BRPF3: variants seen among roughly 807,000 people sequenced by gnomAD.
BRPF3 encodes bromodomain and PHD finger containing 3, also known as bromodomain and PHD finger-containing protein 3.
A neutral mutation model predicts 102.0 loss-of-function variants in BRPF3; 18 were observed. The observed-to-expected ratio is 0.18, with a 90% CI of 0.12 to 0.26. BRPF3 has a LOEUF of 0.26. BRPF3 is among the 10% of genes least tolerant of loss of function. The probability of loss-of-function intolerance (pLI) is 1.00; values close to 1 mark genes in which losing one functional copy is unlikely to be tolerated. For missense variants in BRPF3, 1,147 were observed against 1,567.8 expected (o/e 0.73, Z 4.53); for synonymous variants, 570 against 614.2 (o/e 0.93, Z 1.06).
At chr6:36,218,947 C>T (rs966227120) in intron 9 of BRPF3, among the ~76,000 whole-genome samples, 3 of 152,140 alleles carry the variant, frequency 2.0e-5, no homozygotes, top group African/African-American at 2.4e-5. Flanking sequence ...GACACCAGGG[C>T]GGGGAGGACT....
intron 2 of BRPF3, 127 bp from the exon 3 acceptor site, chr6:36,204,531 A>C: frequency 3.8e-6 from 4 of 1,041,302 alleles, no homozygotes; most frequent in Non-Finnish European, 6.0e-6. Flanking sequence ...GAGGTGAGGT[A>C]TTTGGCCATT....
Position 36,219,258 on chromosome 6 carries a change from C to G in BRPF3, c.3083+1248C>G, listed in dbSNP as rs75428776. 6.3e-3 allele frequency among the ~76,000 whole-genome samples: 958 copies of G among 152,248 alleles called. 14 individuals are homozygous for G. Among genetic ancestry groups the G allele is most frequent in the East Asian group, 0.041 (212 of 5,182 alleles). On this transcript the variant is annotated intron_variant, in intron 9 of 12. Coordinates refer to ENST00000357641, the MANE Select transcript of BRPF3 (RefSeq NM_015695.3). ...TGGTTTCTCTGAGATTCCCCTACCC[C>G]CCGCCAACCCTCAGAGTTGCCCTAG...
intron 11 of BRPF3, among the ~76,000 whole-genome samples, chr6:36,226,527 GC>G (rs1244719898): frequency 6.6e-6 from 1 of 152,094 alleles, no homozygotes; most frequent in African/African-American, 2.4e-5. Flanking sequence ...ACTCTCTGAG[GC>G]CAGACTGAGG....
At chr6:36,218,289 TTG>T (rs1471895230) in intron 9 of BRPF3, among the ~76,000 whole-genome samples, 14 of 152,076 alleles carry the variant, frequency 9.2e-5, no homozygotes, top group African/African-American at 3.4e-4. Context: ...AAATCTCCTG[TTG>T]TTCAGTGAAA....
At chr6:36,205,503 G>C (rs1356700067) in intron 3 of BRPF3, among the ~76,000 whole-genome samples, 2 of 152,058 alleles carry the variant, frequency 1.3e-5, no homozygotes, top group Non-Finnish European at 2.9e-5. Context: ...CCTGTATCTG[G>C]CCCGCCTTGA....
At position 36,230,723 on chromosome 6, in the gene BRPF3, C is replaced by G; in HGVS notation, c.*114C>G. 2.3e-6 allele frequency: 3 copies of G among 1,314,182 alleles called. 1 individual carries two copies. The highest frequency in any genetic ancestry group is 3.1e-6 in the Non-Finnish European group (3 of 967,244). 81.4% of individuals were successfully genotyped at this position (1,314,182 alleles called of 1,614,324 possible). A position where few individuals can be genotyped will look rare whatever the true frequency, so the allele number is the denominator to read the frequency against. Reference sequence around the variant, plus strand: ...GCAGCTTCCCCCTCTCATGGTAGGCCAGGGACTGGGCTTTCTCCCCACTAA... The same window carrying G: ...GCAGCTTCCCCCTCTCATGGTAGGCGAGGGACTGGGCTTTCTCCCCACTAA... On this transcript the variant is annotated 3_prime_UTR_variant, in exon 13 of 13. Coordinates refer to ENST00000357641, the MANE Select transcript of BRPF3 (RefSeq NM_015695.3). This position sits in a 1 kb window ranked among gnomAD's most constrained non-coding sequence, Gnocchi z 5.4.
Position 36,232,019 on chromosome 6 carries a change from T to A in BRPF3, c.*1410T>A, listed in dbSNP as rs1768955595. 1 of 152,632 alleles carries A rather than the reference T, an allele frequency of 6.6e-6. No individual in the cohort carries two copies. The highest frequency in any genetic ancestry group is 1.5e-5 in the Non-Finnish European group (1 of 68,052). The allele number at this position is 152,632 out of a possible 1,614,324, so 9.5% of individuals were successfully genotyped here. Reference sequence around the variant, plus strand: ...CATAGGGGAGTTTTGGACAAAACAGTCACTGGGGAGATCACTGCCATTTTT... The same window carrying A: ...CATAGGGGAGTTTTGGACAAAACAGACACTGGGGAGATCACTGCCATTTTT... On this transcript the variant is annotated 3_prime_UTR_variant, in exon 13 of 13. Coordinates refer to ENST00000357641, the MANE Select transcript of BRPF3 (RefSeq NM_015695.3).
rs536984240 is a variant in BRPF3, at chr6:36,210,596, G to A, written c.2179+68G>A. 5.7e-5 allele frequency: 83 copies of A among 1,465,310 alleles called. No individual in the cohort carries two copies. In the African/African-American group the frequency reaches 9.1e-4, roughly 16 times the overall value. The allele number at this position is 1,465,310 out of a possible 1,614,324, so 90.8% of individuals were successfully genotyped here. On this transcript the variant is annotated intron_variant, in intron 6 of 12. Transcript: ENST00000357641. The surrounding 1 kb of genome is among the most constrained non-coding windows in gnomAD (Gnocchi z 4.7). ...GGCACAGGAACAGAGTCTACAGAGT[G>A]AGGGATCAGGGTGGTCCTTGGGGCT...
intron 9 of BRPF3, among the ~76,000 whole-genome samples, chr6:36,219,523 C>T (rs941901685): frequency 2.6e-5 from 4 of 152,130 alleles, no homozygotes; most frequent in African/African-American, 9.7e-5. Flanking sequence ...GTGTTGTTGG[C>T]CCCTTCTTCT....
rs769263577 is a variant in BRPF3, at chr6:36,210,152, G to T, written c.1867-64G>T. 1 of 1,575,174 alleles carries T rather than the reference G, an allele frequency of 6.3e-7. No individual in the cohort carries two copies. ...GAAATTGAGGAGGCCAAGAGTATTGGTGAAGGGTGTGTCTGTTTGGCTAGT... is the reference window on the plus strand; with the variant it reads ...GAAATTGAGGAGGCCAAGAGTATTGTTGAAGGGTGTGTCTGTTTGGCTAGT... On this transcript the variant is annotated intron_variant, in intron 5 of 12. Transcript: ENST00000357641. This position sits in a 1 kb window ranked among gnomAD's most constrained non-coding sequence, Gnocchi z 4.7.
chr6:36,227,551 C>A (rs1443906273), intron 11 of BRPF3, among the ~76,000 whole-genome samples: 1 of 152,160 alleles, frequency 6.6e-6, no homozygotes, highest in African/African-American at 2.4e-5. Context: ...TGCTTTTGCC[C>A]TCAGGGGAAA....
At position 36,209,798 on chromosome 6, in the gene BRPF3, G is replaced by A; in HGVS notation, c.1749G>A (p.Gln583=). ...EKLKREQVKV[Q]QAAMELELMP... ...CACCTTCCCCACAGGTCAAAGTCCAGCAGGCTGCCATGGAGCTGGAGCTGA... is the reference window on the plus strand; with the variant it reads ...CACCTTCCCCACAGGTCAAAGTCCAACAGGCTGCCATGGAGCTGGAGCTGA... The change falls in exon 5 of 13, where the codon CAG becomes CAA. Residue 583 remains glutamine, a synonymous_variant. Transcript: ENST00000357641. 1 of 1,614,102 alleles carries A rather than the reference G, an allele frequency of 6.2e-7. No homozygotes were observed. Among genetic ancestry groups the A allele is most frequent in the Non-Finnish European group, 8.5e-7 (1 of 1,179,978 alleles).
At chr6:36,225,206 C>G in intron 10 of BRPF3, 61 bp from the exon 11 acceptor site, 3 of 1,441,460 alleles carry the variant, frequency 2.1e-6, no homozygotes, top group Admixed American at 1.7e-5. Context: ...CACAGGCAGG[C>G]CTTTTGGGCA....
In BRPF3 at chr6:36,201,884, T is replaced by C; in HGVS notation, c.1448+114T>C. The C allele has an allele frequency of 2.8e-6, 4 of 1,434,614 alleles. No individual in the cohort carries two copies. The highest frequency in any genetic ancestry group is 3.7e-6 in the Non-Finnish European group (4 of 1,074,980). 88.9% of individuals were successfully genotyped at this position (1,434,614 alleles called of 1,614,324 possible). A position where few individuals can be genotyped will look rare whatever the true frequency, so the allele number is the denominator to read the frequency against. On this transcript the variant is annotated intron_variant, in intron 2 of 12. Transcript: ENST00000357641. The surrounding 1 kb of genome is among the most constrained non-coding windows in gnomAD (Gnocchi z 5.1). ...TGGACACTATATCCTCCTCCCCGAA[T>C]TTAAACTCTTCCTTTTGACCCCAGG...
chr6:36,225,477 A>C, intron 11 of BRPF3, 113 bp downstream of exon 11: 8 of 922,808 alleles, frequency 8.7e-6, no homozygotes, highest in African/African-American at 1.7e-5. Flanking sequence ...TTAGCTGTAG[A>C]GGGGAGGGGG....
chr6:36,203,006 G>A (rs536797936), intron 2 of BRPF3, among the ~76,000 whole-genome samples: 155 of 152,348 alleles, frequency 1.0e-3, no homozygotes, highest in African/African-American at 3.7e-3. Context: ...TAGAATTTCA[G>A]TGACTCTGTA....
intron 11 of BRPF3, among the ~76,000 whole-genome samples, chr6:36,226,373 C>G (rs1189666917): frequency 6.6e-6 from 1 of 152,182 alleles, no homozygotes. Context: ...TTTCTGAACT[C>G]TTTCTCAGTT....
intron 7 of BRPF3, among the ~76,000 whole-genome samples, chr6:36,212,018 G>C (rs760103151): frequency 1.3e-5 from 2 of 152,184 alleles, no homozygotes; most frequent in African/African-American, 2.4e-5. Context: ...AGCAGAGAAG[G>C]AAAGACCCTG....
intron 4 of BRPF3, 84 bp downstream of exon 4, chr6:36,207,528 C>A: frequency 6.6e-7 from 1 of 1,517,598 alleles, no homozygotes; most frequent in South Asian, 1.3e-5. Flanking sequence ...ATCTGGGAGC[C>A]CCTGCCTTAT....
Sources: allele counts gnomAD v4.1 joint callset (sites outside exome capture counted in the v4.1 genomes callset), GRCh38; gene constraint gnomAD v4.1.1; non-coding constraint Gnocchi (gnomAD v3.1); transcripts MANE v1.5; gene names NCBI Gene and HGNC (gene_info 2026-07-23, HGNC 2026-07-21).